Variants in HNRNPC observed in about 807,000 individuals in gnomAD.
HNRNPC encodes heterogeneous nuclear ribonucleoprotein C, also known as heterogeneous nuclear ribonucleoproteins C1/C2.
HNRNPC carries 3 observed loss-of-function variants against 33.2 expected under a neutral mutation model. That is an observed-to-expected ratio of 0.09 (90% confidence interval 0.04 to 0.23). HNRNPC has a LOEUF of 0.23. Ranked by LOEUF, HNRNPC falls within the 10% of genes least tolerant of loss-of-function variation. The probability of loss-of-function intolerance (pLI) is 1.00; values close to 1 mark genes in which losing one functional copy is unlikely to be tolerated. For synonymous variants in HNRNPC, 121 were observed against 126.7 expected (o/e 0.96, Z 0.30); for missense variants, 143 against 366.7 (o/e 0.39, Z 4.98).
chr14:21,252,240 A>T (rs1399628725), intron 2 of HNRNPC, among the ~76,000 whole-genome samples: 1 of 152,222 alleles, frequency 6.6e-6, no homozygotes, highest in Admixed American at 6.5e-5. Context: ...CCGTAGAAAT[A>T]AAACAGCATT....
At chr14:21,227,390 C>A (rs1336845171) in intron 5 of HNRNPC, among the ~76,000 whole-genome samples, 1 of 152,180 alleles carries the variant, frequency 6.6e-6, no homozygotes, top group Non-Finnish European at 1.5e-5. Context: ...CCTAGTTGCT[C>A]CACTAGTTAT....
At chr14:21,268,808 G>A (rs1056348894) in intron 1 of HNRNPC, 3 of 152,168 alleles carry the variant, frequency 2.0e-5, no homozygotes, top group Admixed American at 6.5e-5. Context: ...TCAGTAAAAT[G>A]CTGAATCTTT....
chr14:21,218,706 A>AC (rs1892501017), intron 5 of HNRNPC, among the ~76,000 whole-genome samples: 3 of 148,644 alleles, frequency 2.0e-5, no homozygotes, highest in Admixed American at 6.7e-5. Flanking sequence ...AAAAAAAAAA[A>AC]AACTGAAATT....
At chr14:21,230,098 CG>C (rs1003583550) in intron 5 of HNRNPC, among the ~76,000 whole-genome samples, 5 of 152,070 alleles carry the variant, frequency 3.3e-5, no homozygotes, top group Non-Finnish European at 5.9e-5. Flanking sequence ...TTAGTAGAAA[CG>C]GGTTTCACCA....
intron 2 of HNRNPC, chr14:21,262,751 G>C (rs1021751672): frequency 6.6e-6 from 1 of 152,122 alleles, no homozygotes; most frequent in Non-Finnish European, 1.5e-5. Context: ...GATTTCAAGG[G>C]AAACAGGAGG....
In HNRNPC at chr14:21,254,228, G is replaced by A. The variant is rs7153001; in HGVS notation, c.-37+9083C>T. ...TGTTTACAAAAGAAAAAATGGGGAC[G>A]AGTACAACAGTGTATTGGTAAAATA... On this transcript the variant is annotated intron_variant, in intron 2 of 8. Transcript: ENST00000553300. Among the ~76,000 whole-genome samples the A allele has an allele frequency of 8.0e-3, 1,220 of 152,182 alleles. 20 individuals are homozygous for A. Among genetic ancestry groups the A allele is most frequent in the African/African-American group, 0.028 (1,162 of 41,524 alleles).
At chr14:21,254,922 C>CAAA (rs11451334) in intron 2 of HNRNPC, among the ~76,000 whole-genome samples, 10 of 102,218 alleles carry the variant, frequency 9.8e-5, no homozygotes, top group African/African-American at 3.4e-4. Flanking sequence ...ACTCTAGTCT[C>CAAA]AAAAAAAAAA....
chr14:21,222,105 C>G (rs1406748342), intron 5 of HNRNPC, among the ~76,000 whole-genome samples: 1 of 110,036 alleles, frequency 9.1e-6, no homozygotes, highest in Non-Finnish European at 1.9e-5. Context: ...TATTTTTAAA[C>G]AAAATGCAAT....
chr14:21,267,494 T>C (rs1879210855), intron 1 of HNRNPC, among the ~76,000 whole-genome samples: 1 of 152,110 alleles, frequency 6.6e-6, no homozygotes, highest in South Asian at 2.1e-4. Flanking sequence ...TTAAATTCTC[T>C]ACAGAAGGAA....
intron 2 of HNRNPC, among the ~76,000 whole-genome samples, chr14:21,243,639 G>T (rs112392751): frequency 6.6e-6 from 1 of 152,156 alleles, no homozygotes; most frequent in Non-Finnish European, 1.5e-5. Context: ...ACCAGTACAC[G>T]TTTTGTAGGC....
At chr14:21,249,419 A>T (rs1201424785) in intron 2 of HNRNPC, among the ~76,000 whole-genome samples, 1 of 135,094 alleles carries the variant, frequency 7.4e-6, no homozygotes, top group African/African-American at 3.1e-5. Context: ...TACTAAAAAT[A>T]CAAAAAAAAA....
intron 1 of HNRNPC, among the ~76,000 whole-genome samples, chr14:21,268,342 G>A (rs1010847769): frequency 6.6e-6 from 1 of 152,132 alleles, no homozygotes. Context: ...CTTACACTTA[G>A]GAAGTTACGT....
chr14:21,256,530 G>C (rs1000780332), intron 2 of HNRNPC, among the ~76,000 whole-genome samples: 4 of 152,128 alleles, frequency 2.6e-5, no homozygotes, highest in East Asian at 1.9e-4. Context: ...CTAGTGGGGA[G>C]GGACAAAAGA....
intron 5 of HNRNPC, among the ~76,000 whole-genome samples, chr14:21,226,526 CACCTTTCGCAAAACAAA>C: frequency 6.6e-6 from 1 of 151,374 alleles, no homozygotes; most frequent in Middle Eastern, 3.2e-3. Flanking sequence ...TTTATTACAA[CACCTTTCGCAAAACAAA>C]ACCAGCGCCT....
intron 2 of HNRNPC, among the ~76,000 whole-genome samples, chr14:21,253,065 TCAGGAGA>T (rs1234113133): frequency 2.0e-5 from 3 of 149,842 alleles, no homozygotes; most frequent in Non-Finnish European, 4.4e-5. Context: ...TCTCAGCTAC[TCAGGAGA>T]CTGAGGCAAG....
intron 2 of HNRNPC, among the ~76,000 whole-genome samples, chr14:21,258,814 AT>A (rs1329931618): frequency 9.2e-5 from 14 of 152,184 alleles, no homozygotes; most frequent in African/African-American, 3.4e-4. Context: ...AATACACCCA[AT>A]AAAAACTCAT....
Position 21,210,076 on chromosome 14 carries a change from A to AG in HNRNPC, c.*1146dup. 6.6e-6 allele frequency: 1 copy of AG among 152,196 alleles called. No homozygotes were observed. Among genetic ancestry groups the AG allele is most frequent in the East Asian group, 1.9e-4 (1 of 5,204 alleles). 9.4% of individuals were successfully genotyped at this position (152,196 alleles called of 1,614,324 possible). ...AGTTTTCTTGTTTTCAGGAACATGGAGGTATATACACTTCAGAATTCAGAA... is the reference window on the plus strand; with the variant it reads ...AGTTTTCTTGTTTTCAGGAACATGGAGGGTATATACACTTCAGAATTCAGAA... On this transcript the variant is annotated 3_prime_UTR_variant, in exon 9 of 9. Transcript: ENST00000553300.
intron 5 of HNRNPC, among the ~76,000 whole-genome samples, chr14:21,227,878 G>C (rs1217337059): frequency 1.3e-5 from 2 of 152,188 alleles, no homozygotes; most frequent in African/African-American, 4.8e-5. Flanking sequence ...ACCAACAAAA[G>C]TGTGAGTTTA....
At chr14:21,229,524 G>A (rs1048719811) in intron 5 of HNRNPC, among the ~76,000 whole-genome samples, 2 of 152,110 alleles carry the variant, frequency 1.3e-5, no homozygotes, top group Non-Finnish European at 2.9e-5. Flanking sequence ...TTACTCTTCT[G>A]GCCTTCTAAT....
Sources: gnomAD v4.1 joint callset for allele counts (sites outside exome capture counted in the v4.1 genomes callset) on GRCh38, gnomAD v4.1.1 for gene constraint, MANE v1.5 for transcripts, NCBI Gene and HGNC (gene_info 2026-07-23, HGNC 2026-07-21) for gene names.